ZBED6: variants seen among roughly 807,000 people sequenced by gnomAD.
ZBED6 encodes zinc finger BED-type containing 6, also known as zinc finger BED domain-containing protein 6.
A neutral mutation model predicts 58.4 loss-of-function variants in ZBED6; 40 were observed. That is an observed-to-expected ratio of 0.68 (90% CI 0.53 to 0.89). The LOEUF is 0.89. Ranked by LOEUF, ZBED6 falls within the 40% of genes least tolerant of loss-of-function variation. ZBED6 has a pLI of 0.00. For synonymous variants in ZBED6, 439 were observed against 350.6 expected (o/e 1.25, Z -2.82); for missense variants, 1,057 against 1,003.9 (o/e 1.05, Z -0.71).
chr1:203,807,739 A>G (rs1198754559), intron 1 of ZBED6, among the ~76,000 whole-genome samples: 1 of 151,828 alleles, frequency 6.6e-6, no homozygotes, highest in Non-Finnish European at 1.5e-5. Flanking sequence ...TATGTTGCCC[A>G]GGCTTATTTA....
At chr1:203,815,306 C>G (rs140895203) in intron 1 of ZBED6, among the ~76,000 whole-genome samples, 6,322 of 142,182 alleles carry the variant, frequency 0.044, 546 homozygotes, top group East Asian at 0.4. Flanking sequence ...CCTCTGCCTC[C>G]TGGGTTCAAG....
chr1:203,811,459 G>T (rs936228114), intron 1 of ZBED6, among the ~76,000 whole-genome samples: 6 of 152,094 alleles, frequency 3.9e-5, no homozygotes, highest in African/African-American at 9.7e-5. Context: ...ATGTTCTTTG[G>T]AATATTGATT....
Position 203,815,216 on chromosome 1 carries a change from C to CTTTTCTT in ZBED6, c.*2555-1706_*2555-1705insCTTTTTT, listed in dbSNP as rs1553261508. Among the ~76,000 whole-genome samples, 488 of 97,112 alleles carry CTTTTCTT rather than the reference C, an allele frequency of 5.0e-3. 21 individuals carry two copies. The highest frequency in any genetic ancestry group is 0.018 in the African/African-American group (460 of 25,752). 63.7% of individuals were successfully genotyped at this position (97,112 alleles called of 152,430 possible). A position where few individuals can be genotyped will look rare whatever the true frequency, so the allele number is the denominator to read the frequency against. On this transcript the variant is annotated intron_variant, in intron 1 of 16. Transcript: ENST00000550078. Reference sequence around the variant, plus strand: ...TTCATTATTTTCTTCCTTTTCTTTTCTTTTTTTTTTTTTTTTGAGACAGTG... The same window carrying CTTTTCTT: ...TTCATTATTTTCTTCCTTTTCTTTTCTTTTCTTTTTTTTTTTTTTTTTTGAGACAGTG...
At chr1:203,835,167 T>C (rs1683877188) in intron 9 of ZBED6, among the ~76,000 whole-genome samples, 1 of 152,230 alleles carries the variant, frequency 6.6e-6, no homozygotes, top group East Asian at 1.9e-4. Context: ...ACGCTCTAAG[T>C]AATAAAAAAC....
At chr1:203,849,076 A>T (rs916608883) in intron 13 of ZBED6, among the ~76,000 whole-genome samples, 1 of 152,094 alleles carries the variant, frequency 6.6e-6, no homozygotes, top group African/African-American at 2.4e-5. Context: ...GTAGAGACAG[A>T]GTTTCTCCAT....
At chr1:203,809,365 C>T (rs1031056154) in intron 1 of ZBED6, among the ~76,000 whole-genome samples, 3 of 151,466 alleles carry the variant, frequency 2.0e-5, no homozygotes, top group Non-Finnish European at 2.9e-5. Context: ...TTAGTAGAGG[C>T]GGTGTTTCAC....
exon 17 of ZBED6, chr1:203,852,212 A>G: frequency 1.2e-6 from 2 of 1,613,492 alleles, no homozygotes; most frequent in Non-Finnish European, 1.7e-6. Context: ...TCCTCATCCC[A>G]AATGAGCATG....
exon 1 of ZBED6, chr1:203,796,443 C>G (rs1668529399): frequency 5.0e-6 from 2 of 399,100 alleles, no homozygotes; most frequent in Non-Finnish European, 4.4e-6. Context: ...CTTCCGTTCT[C>G]CTTGTAGGAC....
At chr1:203,800,535 A>G (rs1303083938) in exon 1 of ZBED6, 5 of 1,357,818 alleles carry the variant, frequency 3.7e-6, no homozygotes, top group African/African-American at 1.5e-5. Flanking sequence ...GTTGTTAAAT[A>G]TAATCATTAT....
intron 11 of ZBED6, among the ~76,000 whole-genome samples, chr1:203,841,889 G>A (rs867233634): frequency 6.6e-6 from 1 of 150,830 alleles, no homozygotes. Flanking sequence ...CAGACGGGGC[G>A]GCCGGGCAGA....
chr1:203,832,242 G>T (rs1354263763), intron 8 of ZBED6, among the ~76,000 whole-genome samples: 1 of 152,044 alleles, frequency 6.6e-6, no homozygotes, highest in Non-Finnish European at 1.5e-5. Context: ...TGTATTTTTA[G>T]TAGAGACGGG....
intron 1 of ZBED6, among the ~76,000 whole-genome samples, chr1:203,805,017 C>G (rs548959086): frequency 2.0e-5 from 3 of 151,588 alleles, no homozygotes; most frequent in African/African-American, 7.3e-5. Context: ...GCCTTTTTTT[C>G]CTTTTGAAAA....
intron 1 of ZBED6, among the ~76,000 whole-genome samples, chr1:203,807,631 A>G (rs959114317): frequency 6.6e-6 from 1 of 151,886 alleles, no homozygotes; most frequent in African/African-American, 2.4e-5. Context: ...GGCTCAAGTG[A>G]TCCTTCCAGC....
At chr1:203,848,637 C>T (rs1688523068) in intron 13 of ZBED6, among the ~76,000 whole-genome samples, 1 of 152,162 alleles carries the variant, frequency 6.6e-6, no homozygotes, top group South Asian at 2.1e-4. Flanking sequence ...CCTGTAATCC[C>T]AGCACTTTGG....
At chr1:203,796,502 G>C (rs1032792907) in exon 1 of ZBED6, 2 of 398,960 alleles carry the variant, frequency 5.0e-6, no homozygotes, top group African/African-American at 4.1e-5. Context: ...AATCGGTGCG[G>C]ATTCCTATGG....
exon 10 of ZBED6, chr1:203,838,018 G>C (rs757312415): frequency 1.1e-5 from 17 of 1,614,098 alleles, no homozygotes; most frequent in Non-Finnish European, 1.4e-5. Context: ...GGCTAGGGAA[G>C]AAAGTTGAAG....
intron 9 of ZBED6, among the ~76,000 whole-genome samples, chr1:203,836,972 C>G (rs184476777): frequency 6.6e-6 from 1 of 152,254 alleles, no homozygotes; most frequent in Non-Finnish European, 1.5e-5. Flanking sequence ...TCTTCCTCAT[C>G]CTGTATGCAT....
At chr1:203,842,924 CTTTTTT>C (rs35820616) in intron 11 of ZBED6, among the ~76,000 whole-genome samples, 1 of 146,712 alleles carries the variant, frequency 6.8e-6, no homozygotes, top group South Asian at 2.1e-4. Flanking sequence ...AGCCTTCCGT[CTTTTTT>C]TTTTTAATAC....
rs536775948 is a variant in ZBED6, at chr1:203,842,045, G to A, written c.*3741+1671G>A. On this transcript the variant is annotated intron_variant, in intron 11 of 16. Transcript: ENST00000550078. ...GCTCCCCACATCTCAGACGATGGGC[G>A]GCCGGGCAGAGACACTCCTCACTTC... 4.3e-4 allele frequency among the ~76,000 whole-genome samples: 65 copies of A among 151,604 alleles called. 2 individuals carry two copies. In the East Asian group the frequency reaches 0.012, roughly 27 times the overall value.
Sources: gnomAD v4.1 joint callset for allele counts (sites outside exome capture counted in the v4.1 genomes callset) on GRCh38, gnomAD v4.1.1 for gene constraint, MANE v1.5 for transcripts, NCBI Gene and HGNC (gene_info 2026-07-23, HGNC 2026-07-21) for gene names.